Variants in ROBO1 observed in about 807,000 individuals in gnomAD.
The protein encoded by ROBO1 is roundabout homolog 1.
ROBO1 carries 149 observed loss-of-function variants against 195.9 expected under a neutral mutation model. The ratio of observed to expected loss-of-function variants is 0.76; its 90% confidence interval spans 0.67 to 0.87. The LOEUF is 0.87. Among genes scored for constraint, ROBO1 ranks in the 40% least tolerant of loss-of-function variants. The pLI is 0.00. For synonymous variants in ROBO1, 816 were observed against 733.2 expected (o/e 1.11, Z -1.82); for missense variants, 1,933 against 2,068.3 (o/e 0.93, Z 1.27).
chr3:78,758,136 G>A (rs2082987031), intron 4 of ROBO1, among the ~76,000 whole-genome samples: 1 of 152,148 alleles, frequency 6.6e-6, no homozygotes, highest in South Asian at 2.1e-4. Flanking sequence ...CTGACTTAAG[G>A]TACTTGAGAT....
At chr3:78,599,860 T>G (rs1388673593) in intron 30 of ROBO1, among the ~76,000 whole-genome samples, 1 of 152,234 alleles carries the variant, frequency 6.6e-6, no homozygotes, top group Non-Finnish European at 1.5e-5. Context: ...CCATATATGT[T>G]TCTTATCTGA....
intron 1 of ROBO1, among the ~76,000 whole-genome samples, chr3:79,655,516 T>C (rs1946132397): frequency 6.6e-6 from 1 of 152,054 alleles, no homozygotes; most frequent in African/African-American, 2.4e-5. Flanking sequence ...ATCTATCAAT[T>C]TTTAGAGCTC....
intron 29 of ROBO1, among the ~76,000 whole-genome samples, chr3:78,605,078 T>G (rs1478248956): frequency 6.6e-6 from 1 of 152,192 alleles, no homozygotes. Flanking sequence ...ACTTTCCAAC[T>G]CCATACAGGC....
chr3:79,522,838 T>C (rs1941265759), intron 2 of ROBO1, among the ~76,000 whole-genome samples: 1 of 152,172 alleles, frequency 6.6e-6, no homozygotes, highest in South Asian at 2.1e-4. Flanking sequence ...GAGCACGAAC[T>C]ATGTGACTAT....
intron 4 of ROBO1, among the ~76,000 whole-genome samples, chr3:78,761,206 A>T (rs540496602): frequency 1.3e-5 from 2 of 152,176 alleles, no homozygotes; most frequent in African/African-American, 4.8e-5. Flanking sequence ...AGCTTTTGAA[A>T]ATGCCCTGCA....
chr3:79,702,993 T>G (rs1947661934), intron 1 of ROBO1, among the ~76,000 whole-genome samples: 1 of 151,924 alleles, frequency 6.6e-6, no homozygotes, highest in South Asian at 2.1e-4. Flanking sequence ...CATGGTGACC[T>G]ACTATTCCCT....
chr3:79,284,217 G>A (rs1405869074), intron 2 of ROBO1, among the ~76,000 whole-genome samples: 1 of 151,832 alleles, frequency 6.6e-6, no homozygotes, highest in Non-Finnish European at 1.5e-5. Context: ...CTGAGGGCCG[G>A]AGAATTGAGA....
At chr3:79,040,359 A>G (rs1192370208) in intron 3 of ROBO1, among the ~76,000 whole-genome samples, 1 of 152,200 alleles carries the variant, frequency 6.6e-6, no homozygotes, top group Non-Finnish European at 1.5e-5. Flanking sequence ...TCATAAGTCT[A>G]TTATCACAAA....
At chr3:79,593,104 A>G (rs1944058352) in intron 1 of ROBO1, among the ~76,000 whole-genome samples, 1 of 152,028 alleles carries the variant, frequency 6.6e-6, no homozygotes. Context: ...TCTTTTCAGC[A>G]CTGAAAAACA....
intron 2 of ROBO1, among the ~76,000 whole-genome samples, chr3:79,534,474 T>A (rs961520801): frequency 6.6e-6 from 1 of 152,104 alleles, no homozygotes; most frequent in Non-Finnish European, 1.5e-5. Flanking sequence ...TTAGCTAACA[T>A]CATGAAAGTC....
chr3:78,904,091 T>C (rs1461978374), intron 4 of ROBO1, among the ~76,000 whole-genome samples: 2 of 151,878 alleles, frequency 1.3e-5, no homozygotes, highest in Admixed American at 6.6e-5. Context: ...ATTAGTTAGA[T>C]AACTATGACT....
intron 2 of ROBO1, among the ~76,000 whole-genome samples, chr3:79,577,723 C>T (rs766840513): frequency 2.3e-5 from 2 of 85,462 alleles, no homozygotes; most frequent in Non-Finnish European, 4.8e-5. Context: ...TAAAAACACA[C>T]ACACACACAC....
chr3:79,072,582 T>G (rs2079107165), intron 3 of ROBO1, among the ~76,000 whole-genome samples: 1 of 151,920 alleles, frequency 6.6e-6, no homozygotes, highest in Non-Finnish European at 1.5e-5. Flanking sequence ...TCACCTATAG[T>G]TCTGCCTGGC....
intron 4 of ROBO1, among the ~76,000 whole-genome samples, chr3:78,930,782 A>G (rs1267833219): frequency 1.3e-5 from 2 of 152,212 alleles, no homozygotes; most frequent in Admixed American, 1.3e-4. Flanking sequence ...GAATACTAGA[A>G]TAGCCTCCTA....
chr3:78,699,395 CAAAAAAAAAAA>C (rs60574193), intron 8 of ROBO1, among the ~76,000 whole-genome samples: 4 of 83,052 alleles, frequency 4.8e-5, no homozygotes, highest in Non-Finnish European at 8.8e-5. Flanking sequence ...ACTAAAAATA[CAAAAAAAAAAA>C]AAAAAAAAAA....
chr3:79,271,069 C>A (rs1385113158), intron 2 of ROBO1, among the ~76,000 whole-genome samples: 1 of 151,724 alleles, frequency 6.6e-6, no homozygotes, highest in East Asian at 1.9e-4. Context: ...CATGTCATAG[C>A]CAATTAACTG....
At chr3:79,223,067 A>G (rs2082169306) in intron 2 of ROBO1, among the ~76,000 whole-genome samples, 1 of 152,166 alleles carries the variant, frequency 6.6e-6, no homozygotes, top group Non-Finnish European at 1.5e-5. Flanking sequence ...TGGAAGAGGG[A>G]CAAAGAAGTT....
intron 2 of ROBO1, among the ~76,000 whole-genome samples, chr3:79,543,228 A>T (rs980175891): frequency 6.6e-6 from 1 of 152,098 alleles, no homozygotes; most frequent in African/African-American, 2.4e-5. Flanking sequence ...AAAAATAGAC[A>T]AATGTGTTTG....
At chr3:78,976,993 T>A (rs552078827) in intron 3 of ROBO1, among the ~76,000 whole-genome samples, 1 of 152,320 alleles carries the variant, frequency 6.6e-6, no homozygotes, top group South Asian at 2.1e-4. Context: ...TTTAAATTTC[T>A]TCATGCTATT....
Sources: allele counts gnomAD v4.1 joint callset (sites outside exome capture counted in the v4.1 genomes callset), GRCh38; gene constraint gnomAD v4.1.1; transcripts MANE v1.5; gene names NCBI Gene and HGNC (gene_info 2026-07-23, HGNC 2026-07-21).